The following TENM3 variants were observed in gnomAD, a reference collection of about 807,000 sequenced individuals.
TENM3 encodes teneurin transmembrane protein 3, also known as teneurin-3.
In TENM3, 63 loss-of-function variants were observed where a neutral mutation model predicts 255.1. That is an observed-to-expected ratio of 0.25 (90% CI 0.20 to 0.30). The LOEUF (loss-of-function observed/expected upper bound fraction) is 0.30. TENM3 is among the 10% of genes least tolerant of loss of function. The pLI is 1.00. For missense variants in TENM3, 2,929 were observed against 3,461.1 expected, an observed-to-expected ratio of 0.85 and a Z score of 3.86; for synonymous variants, 1,306 against 1,322.3, an observed-to-expected ratio of 0.99 and a Z score of 0.27.
intron 3 of TENM3, among the ~76,000 whole-genome samples, chr4:182,541,511 A>G (rs1740875757): frequency 6.6e-6 from 1 of 152,206 alleles, no homozygotes; most frequent in Non-Finnish European, 1.5e-5. Flanking sequence ...TGGTCAAGGG[A>G]AAAAAGTTAG....
At chr4:182,720,231 A>G (rs1000822360) in intron 13 of TENM3, among the ~76,000 whole-genome samples, 2 of 152,150 alleles carry the variant, frequency 1.3e-5, no homozygotes, top group Non-Finnish European at 2.9e-5. Context: ...GAAAATAAGG[A>G]AATGTTTGAA....
chr4:181,960,039 T>C, the TENM3 span, among the ~76,000 whole-genome samples: 2 of 152,344 alleles, frequency 1.3e-5, no homozygotes, highest in Admixed American at 6.5e-5. Flanking sequence ...TTTATTTTTC[T>C]TTGTGTTAGG....
the TENM3 span, among the ~76,000 whole-genome samples, chr4:181,470,929 T>C: frequency 2.0e-5 from 3 of 152,158 alleles, no homozygotes; most frequent in African/African-American, 7.2e-5. Flanking sequence ...AGTTACTACC[T>C]TACCTTTTGA....
intron 3 of TENM3, among the ~76,000 whole-genome samples, chr4:182,589,878 G>T (rs1165562948): frequency 6.6e-6 from 1 of 152,090 alleles, no homozygotes; most frequent in African/African-American, 2.4e-5. Context: ...GGAGGCTGAG[G>T]CAGGAGAATC....
the TENM3 span, among the ~76,000 whole-genome samples, chr4:181,545,848 A>G: frequency 6.7e-6 from 1 of 150,002 alleles, no homozygotes; most frequent in South Asian, 2.2e-4. Flanking sequence ...TTTGATTTGA[A>G]GAAAGAAATA....
At chr4:182,546,507 C>T (rs940088565) in intron 3 of TENM3, among the ~76,000 whole-genome samples, 1 of 152,014 alleles carries the variant, frequency 6.6e-6, no homozygotes. Flanking sequence ...ACAATTATGG[C>T]TCACTGAAGC....
At chr4:182,156,563 T>C (rs1204578883) in intron 1 of TENM3, among the ~76,000 whole-genome samples, 2 of 152,172 alleles carry the variant, frequency 1.3e-5, no homozygotes, top group Non-Finnish European at 2.9e-5. Context: ...TCTAAAGTGA[T>C]GCCATAATTG....
intron 3 of TENM3, among the ~76,000 whole-genome samples, chr4:182,412,136 C>T (rs1428887079): frequency 1.3e-5 from 2 of 152,164 alleles, no homozygotes; most frequent in African/African-American, 4.8e-5. Flanking sequence ...CCTGTAAGCT[C>T]CTCCCTAGAA....
the TENM3 span, among the ~76,000 whole-genome samples, chr4:181,855,814 G>A: frequency 6.6e-4 from 100 of 151,334 alleles, no homozygotes; most frequent in Admixed American, 1.5e-3. Context: ...AATAAAGGAA[G>A]GAGAGAAAGG....
rs375687852 is a variant in TENM3, at chr4:182,721,064, G to A, written c.2368+6831G>A. 1.8e-4 allele frequency among the ~76,000 whole-genome samples: 28 copies of A among 152,140 alleles called. No individual in the cohort carries two copies. In the East Asian group the frequency reaches 3.9e-3, roughly 21 times the overall value. ...ATTACAGGCGTGAGCCACCACGCCC[G>A]GCCTAAAAGTCTCCCCTCTCTTTTA... is the stretch of plus-strand genomic sequence containing the variant. On this transcript the variant is annotated intron_variant, in intron 13 of 27. Coordinates refer to ENST00000511685, the MANE Select transcript of TENM3 (RefSeq NM_001080477.4).
chr4:181,484,433 T>C, the TENM3 span, among the ~76,000 whole-genome samples: 2 of 152,190 alleles, frequency 1.3e-5, no homozygotes, highest in Non-Finnish European at 2.9e-5. Flanking sequence ...CATTTGCATC[T>C]GGTTTATCTA....
chr4:181,595,919 T>G, the TENM3 span, among the ~76,000 whole-genome samples: 2 of 152,196 alleles, frequency 1.3e-5, no homozygotes, highest in African/African-American at 4.8e-5. Flanking sequence ...AGGCCACTCA[T>G]GCGAGAGTGC....
At chr4:182,515,746 G>C (rs952593235) in intron 3 of TENM3, among the ~76,000 whole-genome samples, 1 of 152,158 alleles carries the variant, frequency 6.6e-6, no homozygotes, top group Non-Finnish European at 1.5e-5. Flanking sequence ...TCACCTAAGA[G>C]AAATGGAATA....
chr4:182,508,959 G>A (rs1228106191), intron 3 of TENM3, among the ~76,000 whole-genome samples: 3 of 152,186 alleles, frequency 2.0e-5, no homozygotes, highest in Admixed American at 2.0e-4. Flanking sequence ...AAATGTGGCA[G>A]TATGAAGTAA....
intron 3 of TENM3, among the ~76,000 whole-genome samples, chr4:182,475,361 T>C (rs1241695458): frequency 6.6e-6 from 1 of 152,144 alleles, no homozygotes; most frequent in Non-Finnish European, 1.5e-5. Context: ...GAATGGAGAA[T>C]GGGTGTGTCT....
At chr4:182,028,226 A>G in the TENM3 span, among the ~76,000 whole-genome samples, 990 of 152,138 alleles carry the variant, frequency 6.5e-3, 6 homozygotes, top group Middle Eastern at 0.01. Flanking sequence ...GAATTTGTCC[A>G]TTTCTTCTAG....
chr4:182,292,575 C>A (rs1045192388), intron 1 of TENM3, among the ~76,000 whole-genome samples: 1 of 152,200 alleles, frequency 6.6e-6, no homozygotes, highest in Non-Finnish European at 1.5e-5. Flanking sequence ...GTTTTTGTCA[C>A]AGTTCCTTTG....
chr4:181,623,369 G>A, the TENM3 span, among the ~76,000 whole-genome samples: 2 of 152,340 alleles, frequency 1.3e-5, no homozygotes, highest in South Asian at 4.1e-4. Flanking sequence ...CCACAGTCAA[G>A]TGGAGGAACA....
At chr4:181,584,327 G>A in the TENM3 span, among the ~76,000 whole-genome samples, 1 of 152,070 alleles carries the variant, frequency 6.6e-6, no homozygotes, top group Admixed American at 6.6e-5. Flanking sequence ...GCTGTGTATT[G>A]AGATCTAACT....
Sources: allele counts gnomAD v4.1 joint callset (sites outside exome capture counted in the v4.1 genomes callset), GRCh38; gene constraint gnomAD v4.1.1; transcripts MANE v1.5; gene names NCBI Gene and HGNC (gene_info 2026-07-23, HGNC 2026-07-21).